CADPS2: variants seen among roughly 807,000 people sequenced by gnomAD.
CADPS2 encodes calcium-dependent secretion activator 2.
Under a neutral mutation model 172.5 loss-of-function variants are expected in CADPS2, and 93 were observed. That is an observed-to-expected ratio of 0.54 (90% CI 0.46 to 0.64). The LOEUF is 0.64. Among genes scored for constraint, CADPS2 ranks in the 30% least tolerant of loss-of-function variants. CADPS2 has a pLI of 0.00. For synonymous variants in CADPS2, 546 were observed against 555.2 expected, an observed-to-expected ratio of 0.98 and a Z score of 0.23; for missense variants, 1,420 against 1,565.9, an observed-to-expected ratio of 0.91 and a Z score of 1.57.
At chr7:122,776,961 G>C (rs2093902674) in intron 1 of CADPS2, among the ~76,000 whole-genome samples, 1 of 152,050 alleles carries the variant, frequency 6.6e-6, no homozygotes, top group African/African-American at 2.4e-5. Context: ...GACCATCCTG[G>C]GCAATATAGT....
chr7:122,645,421 A>G (rs1032236227), intron 3 of CADPS2, among the ~76,000 whole-genome samples: 3 of 103,612 alleles, frequency 2.9e-5, no homozygotes, highest in Non-Finnish European at 6.7e-5. Context: ...ACACATGTAT[A>G]TGTGTGTATA....
At chr7:122,815,718 C>T (rs551958554) in intron 1 of CADPS2, among the ~76,000 whole-genome samples, 1 of 152,226 alleles carries the variant, frequency 6.6e-6, no homozygotes, top group African/African-American at 2.4e-5. Flanking sequence ...AAGCCACATC[C>T]ATTATTACCA....
intron 9 of CADPS2, among the ~76,000 whole-genome samples, chr7:122,503,927 G>A (rs2059415205): frequency 6.6e-6 from 1 of 152,124 alleles, no homozygotes; most frequent in Non-Finnish European, 1.5e-5. Flanking sequence ...CAAAGCAGAG[G>A]AAAGAGACAT....
intron 27 of CADPS2, among the ~76,000 whole-genome samples, chr7:122,355,865 C>T (rs2039330593): frequency 6.6e-6 from 1 of 152,124 alleles, no homozygotes; most frequent in South Asian, 2.1e-4. Context: ...GGCACATAGC[C>T]AGATAAAATG....
At chr7:122,579,450 A>AATATAT (rs3034498) in intron 7 of CADPS2, among the ~76,000 whole-genome samples, 1,968 of 128,566 alleles carry the variant, frequency 0.015, 37 homozygotes, top group Admixed American at 0.025. Flanking sequence ...AATTGCATCG[A>AATATAT]ATATATATAT....
At chr7:122,521,807 GGTATCAC>G (rs1259141359) in intron 8 of CADPS2, among the ~76,000 whole-genome samples, 1,910 of 152,140 alleles carry the variant, frequency 0.013, 37 homozygotes, top group African/African-American at 0.043. Flanking sequence ...ACTTATATTA[GGTATCAC>G]ATTTTATAGA....
chr7:122,347,481 T>C (rs2037856668), intron 27 of CADPS2, among the ~76,000 whole-genome samples: 1 of 152,126 alleles, frequency 6.6e-6, no homozygotes, highest in Non-Finnish European at 1.5e-5. Context: ...TAAAGGTAAA[T>C]ATATACCACA....
At chr7:122,816,051 T>C (rs947924852) in intron 1 of CADPS2, among the ~76,000 whole-genome samples, 1 of 152,154 alleles carries the variant, frequency 6.6e-6, no homozygotes, top group African/African-American at 2.4e-5. Context: ...TTAGTTATGT[T>C]GAAATATACA....
chr7:122,664,702 C>T (rs185345077), intron 2 of CADPS2, among the ~76,000 whole-genome samples: 13 of 152,278 alleles, frequency 8.5e-5, no homozygotes. Flanking sequence ...AAGACTCTCC[C>T]AGAAAAGCCT....
chr7:122,408,473 G>A (rs570049143), intron 19 of CADPS2, among the ~76,000 whole-genome samples: 23 of 152,212 alleles, frequency 1.5e-4, no homozygotes, highest in African/African-American at 4.3e-4. Flanking sequence ...CACTTGGGCT[G>A]GAGTGCAGTG....
At chr7:122,559,247 CA>C (rs2065411316) in intron 7 of CADPS2, among the ~76,000 whole-genome samples, 1 of 152,040 alleles carries the variant, frequency 6.6e-6, no homozygotes, top group Non-Finnish European at 1.5e-5. Context: ...CTGTTGAAAC[CA>C]AACACTGTAA....
At chr7:122,867,276 G>A (rs1220110390) in intron 1 of CADPS2, among the ~76,000 whole-genome samples, 1 of 152,140 alleles carries the variant, frequency 6.6e-6, no homozygotes, top group Non-Finnish European at 1.5e-5. Flanking sequence ...TGAGCAACAT[G>A]ATAAAATAGG....
At chr7:122,738,170 G>A (rs1215122302) in intron 1 of CADPS2, among the ~76,000 whole-genome samples, 1 of 152,070 alleles carries the variant, frequency 6.6e-6, no homozygotes, top group Non-Finnish European at 1.5e-5. Context: ...TATCAATCAT[G>A]TCCTCTAGTC....
intron 17 of CADPS2, among the ~76,000 whole-genome samples, chr7:122,419,013 G>A (rs2048256337): frequency 6.6e-6 from 1 of 152,012 alleles, no homozygotes; most frequent in African/African-American, 2.4e-5. Flanking sequence ...CAGAGTTCTG[G>A]GTCTGAATGA....
Position 122,699,590 on chromosome 7 carries a change from T to C in CADPS2, c.454-36021A>G, listed in dbSNP as rs547433443. ...AAACCATTATATTGCATTTATTTAA[T>C]TTAAGCTTTCTGAGAAGTTTGTGGC... On this transcript the variant is annotated intron_variant, in intron 2 of 29. Transcript: ENST00000449022. Among the ~76,000 whole-genome samples the C allele has an allele frequency of 7.2e-5, 11 of 152,342 alleles. No individual in the cohort carries two copies. The East Asian group carries it at 2.1e-3, about 29-fold the overall frequency.
intron 6 of CADPS2, among the ~76,000 whole-genome samples, chr7:122,600,375 C>T (rs1005576210): frequency 2.0e-5 from 3 of 151,982 alleles, no homozygotes; most frequent in Non-Finnish European, 4.4e-5. Context: ...AAAACTGAGC[C>T]ATGAAACAGT....
chr7:122,340,191 A>T (rs1240534629), intron 28 of CADPS2, among the ~76,000 whole-genome samples: 1 of 152,198 alleles, frequency 6.6e-6, no homozygotes, highest in Non-Finnish European at 1.5e-5. Flanking sequence ...ATTAACTATC[A>T]TTTAAAGAAT....
At chr7:122,458,683 G>T (rs954584402) in intron 14 of CADPS2, among the ~76,000 whole-genome samples, 2 of 152,058 alleles carry the variant, frequency 1.3e-5, no homozygotes, top group Non-Finnish European at 2.9e-5. Flanking sequence ...ACTCTATAAA[G>T]ATCTAAGATC....
rs201104778 is a variant in CADPS2, at chr7:122,345,579, A to T, written c.3607T>A (p.Phe1203Ile). ...TTGCAAGGGAAGCTACTTACATCAAATAACTTTTCTATATACATTTCCTCA... is the reference window on the plus strand; with the variant it reads ...TTGCAAGGGAAGCTACTTACATCAATTAACTTTTCTATATACATTTCCTCA... ...VNEEMYIEKLFDQWYSSSMKV... is the reference protein window; with the variant it reads ...VNEEMYIEKLIDQWYSSSMKV... Residue 1203 changes from phenylalanine (F) to isoleucine (I), a missense_variant, in exon 28 of 30, where the codon TTT (phenylalanine) becomes ATT (isoleucine). Phe to Ile is a conservative substitution (Grantham distance 21). Transcript: ENST00000449022. 16 of 1,594,612 alleles carry T rather than the reference A, an allele frequency of 1.0e-5. No individual in the cohort carries two copies. The highest frequency in any genetic ancestry group is 6.7e-5 in the Admixed American group (4 of 59,424).
Sources: allele counts gnomAD v4.1 joint callset (sites outside exome capture counted in the v4.1 genomes callset), GRCh38; gene constraint gnomAD v4.1.1; transcripts MANE v1.5; gene names NCBI Gene and HGNC (gene_info 2026-07-23, HGNC 2026-07-21).